TNRC18: variants seen among roughly 807,000 people sequenced by gnomAD.
The protein encoded by TNRC18 is trinucleotide repeat-containing gene 18 protein.
A neutral mutation model predicts 226.7 loss-of-function variants in TNRC18; 69 were observed. The ratio of observed to expected loss-of-function variants is 0.30; its 90% confidence interval spans 0.25 to 0.37. The LOEUF (loss-of-function observed/expected upper bound fraction) is 0.37. Among genes scored for constraint, TNRC18 ranks in the 10% least tolerant of loss-of-function variants. The pLI, the probability that TNRC18 is intolerant of heterozygous loss-of-function variation, is 1.00. For synonymous variants in TNRC18, 2,449 were observed against 1,927.6 expected (o/e 1.27, Z -7.09); for missense variants, 4,754 against 4,256.6 (o/e 1.12, Z -3.25).
intron 18 of TNRC18, 38 bp downstream of exon 18, chr7:5,345,524 C>CCCCCCCCCCCCCCCCCCCCCCCCCCCCCG: frequency 5.5e-6 from 1 of 182,374 alleles, no homozygotes; most frequent in Non-Finnish European, 1.2e-5. Context: ...TCCGCCCCTC[C>CCCCCCCCCCCCCCCCCCCCCCCCCCCCCG]CACCCACCCC....
At chr7:5,400,413 C>A (rs1219947478) in intron 2 of TNRC18, among the ~76,000 whole-genome samples, 1 of 151,950 alleles carries the variant, frequency 6.6e-6, no homozygotes, top group Non-Finnish European at 1.5e-5. Flanking sequence ...GGTTCTAGAC[C>A]AGCCTGACCA....
intron 19 of TNRC18, 129 bp from the exon 20 acceptor site, chr7:5,325,377 A>C: frequency 2.0e-6 from 2 of 1,005,078 alleles, no homozygotes; most frequent in South Asian, 1.6e-5. Flanking sequence ...GAGGAACAAA[A>C]CACCCCTTCT....
At chr7:5,375,090 A>G (rs1794526138) in intron 9 of TNRC18, among the ~76,000 whole-genome samples, 1 of 152,182 alleles carries the variant, frequency 6.6e-6, no homozygotes. Flanking sequence ...CGGGTGGATC[A>G]CCTGAGGCCA....
rs1335758758 is a variant in TNRC18 at position 5,351,722 on chromosome 7, C to T, written c.5470+97G>A. The T allele has an allele frequency of 5.1e-6, 7 of 1,381,190 alleles. No homozygotes were observed. The East Asian group carries it at 1.8e-4, about 35-fold the overall frequency. The allele number at this position is 1,381,190 out of a possible 1,614,324, so 85.6% of individuals were successfully genotyped here. ...CATCCGCACGGGCCTCCTCACCCAC[C>T]ATCTCTCCCGTGCGCCCACTCGCTT... On this transcript the variant is annotated intron_variant, in intron 17 of 29. Transcript: ENST00000430969.
intron 2 of TNRC18, among the ~76,000 whole-genome samples, chr7:5,403,599 T>C (rs1023555627): frequency 1.3e-5 from 2 of 152,048 alleles, no homozygotes; most frequent in African/African-American, 2.4e-5. Flanking sequence ...AAGACCAGCC[T>C]GGGCAACCTA....
intron 5 of TNRC18, 114 bp downstream of exon 5, chr7:5,387,558 T>C (rs1021035577): frequency 1.4e-6 from 2 of 1,425,718 alleles, no homozygotes; most frequent in African/African-American, 1.4e-5. Context: ...TTTTAAAAAA[T>C]GATACTTATA....
chr7:5,322,083 T>C (rs549484979), intron 21 of TNRC18, among the ~76,000 whole-genome samples: 1 of 151,988 alleles, frequency 6.6e-6, no homozygotes, highest in East Asian at 2.0e-4. Context: ...ATCAAGACCA[T>C]CCTAGCTAAC....
At chr7:5,333,781 G>A (rs924804626) in intron 18 of TNRC18, among the ~76,000 whole-genome samples, 1 of 152,148 alleles carries the variant, frequency 6.6e-6, no homozygotes, top group African/African-American at 2.4e-5. Context: ...TTGGAACGGC[G>A]CTAAGTCCTT....
Position 5,313,251 on chromosome 7 carries a change from G to C in TNRC18, c.7640C>G (p.Ala2547Gly), listed in dbSNP as rs1472267387. ...TTCGGCCCCGTCCTGCTCAGCCTGG[G>C]CCTTGTCTGGGCTCTTGGGGTTCCC... ...DSGNPKSPDK[A>G]QAEQDGAEES... Residue 2547 changes from alanine to glycine, a missense_variant, in exon 27 of 30, where the codon GCC becomes GGC. Coordinates refer to ENST00000430969, the MANE Select transcript of TNRC18 (RefSeq NM_001080495.3). 6 of 1,548,788 alleles carry C rather than the reference G, an allele frequency of 3.9e-6. No homozygotes were observed. Among genetic ancestry groups the C allele is most frequent in the Non-Finnish European group, 4.4e-6 (5 of 1,146,666 alleles).
At chr7:5,334,247 T>C (rs1195839572) in intron 18 of TNRC18, among the ~76,000 whole-genome samples, 2 of 152,010 alleles carry the variant, frequency 1.3e-5, no homozygotes, top group East Asian at 3.9e-4. Flanking sequence ...TGGCGGGGGC[T>C]GCCCAGTGGG....
chr7:5,309,748 C>T lies in TNRC18; in HGVS notation c.8389-380G>A, dbSNP rs529750987. Among the ~76,000 whole-genome samples, 1 of 152,170 alleles carries T rather than the reference C, an allele frequency of 6.6e-6. No homozygotes were observed. Among genetic ancestry groups the T allele is most frequent in the African/African-American group, 2.4e-5 (1 of 41,432 alleles). On this transcript the variant is annotated intron_variant, in intron 27 of 29. Transcript: ENST00000430969. This position sits in a 1 kb window ranked among gnomAD's most constrained non-coding sequence, Gnocchi z 5.7. ...GCCTCTGAGGAGCTGAGAATACAGG[C>T]GCACACCACGCCCGGCTAATTTTGA... is the stretch of plus-strand genomic sequence containing the variant.
intron 18 of TNRC18, 45 bp downstream of exon 18, chr7:5,345,517 G>GGGGGGGGGGGCCCCCCCCCCCCCCCC: frequency 6.9e-5 from 26 of 377,716 alleles, no homozygotes; most frequent in East Asian, 2.3e-4. Flanking sequence ...AATGGCGTCC[G>GGGGGGGGGGGCCCCCCCCCCCCCCCC]CCCCTCCCAC....
intron 14 of TNRC18, among the ~76,000 whole-genome samples, chr7:5,360,530 T>A (rs1217237981): frequency 6.6e-6 from 1 of 152,102 alleles, no homozygotes; most frequent in Non-Finnish European, 1.5e-5. Flanking sequence ...GTGGCCAACC[T>A]GTGTACTTAT....
At chr7:5,391,404 T>G (rs563661333) in intron 3 of TNRC18, among the ~76,000 whole-genome samples, 302 of 151,894 alleles carry the variant, frequency 2.0e-3, no homozygotes, top group African/African-American at 7.2e-3. Flanking sequence ...CTCCACCTCC[T>G]TAGTTCAAGA....
chr7:5,308,025 G>A lies in TNRC18; in HGVS notation c.*81C>T, dbSNP rs545287314. 22 of 1,334,322 alleles carry A rather than the reference G, an allele frequency of 1.6e-5. No homozygotes were observed. The African/African-American group carries it at 1.7e-4, about 11-fold the overall frequency. 82.7% of individuals were successfully genotyped at this position (1,334,322 alleles called of 1,614,324 possible). On this transcript the variant is annotated 3_prime_UTR_variant, in exon 30 of 30. Transcript: ENST00000430969. ...GAGCGCTCGCATGCACACAACGCAC[G>A]TGGTCTCCGCGCCATGGCAGTGATG...
At chr7:5,374,007 C>T in intron 10 of TNRC18, 48 bp downstream of exon 10, 1 of 1,407,570 alleles carries the variant, frequency 7.1e-7, no homozygotes, top group South Asian at 1.5e-5. Flanking sequence ...AGCAGTTTTA[C>T]CGCTCCAGGG....
chr7:5,420,377 C>T (rs929799659), intron 2 of TNRC18: 13 of 456,108 alleles, frequency 2.9e-5, no homozygotes, highest in African/African-American at 2.4e-4. Flanking sequence ...CCCTGCCGCA[C>T]CTCCGCACCC....
Position 5,315,980 on chromosome 7 carries a change from G to T in TNRC18, c.6838C>A (p.Leu2280Met). The T allele has an allele frequency of 6.3e-7, 1 of 1,598,864 alleles. No homozygotes were observed. Among genetic ancestry groups the T allele is most frequent in the Non-Finnish European group, 8.5e-7 (1 of 1,173,376 alleles). The change falls in exon 25 of 30, where the codon CTG becomes ATG. Residue 2280 changes from leucine (L) to methionine (M), a missense_variant. By Grantham distance (15) the Leu-to-Met change is conservative. Transcript: ENST00000430969. ...CACTGTATCTTATAGTCAGGGGGCA[G>T]GAGGCGGATATGTGAGAGGGGGATC... ...GRIPLSHIRLLPPDYKIQCAE... is the reference protein window; with the variant it reads ...GRIPLSHIRLMPPDYKIQCAE...
In TNRC18 at chr7:5,313,693, G is replaced by T. The variant is rs1023950420; in HGVS notation, c.7198C>A (p.Pro2400Thr). The T allele has an allele frequency of 2.5e-6, 4 of 1,603,744 alleles. No individual in the cohort carries two copies. The Admixed American group carries it at 6.8e-5, about 27-fold the overall frequency. Reference sequence around the variant, plus strand: ...GCTGGGCAGCTGGTGAAGGCGGGTGGTGCGGGACTGGGCTGCGGCGGTGCC... The same window carrying T: ...GCTGGGCAGCTGGTGAAGGCGGGTGTTGCGGGACTGGGCTGCGGCGGTGCC... ...RPAPPQPSPAPPAFTSCPAPE... is the reference protein window; with the variant it reads ...RPAPPQPSPATPAFTSCPAPE... The change falls in exon 27 of 30, where the codon CCA becomes ACA. Residue 2400 changes from proline (P) to threonine (T), a missense_variant. Physicochemically the swap from Pro to Thr is conservative, Grantham distance 38. Coordinates refer to ENST00000430969, the MANE Select transcript of TNRC18 (RefSeq NM_001080495.3).
Sources: gnomAD v4.1 joint callset for allele counts (sites outside exome capture counted in the v4.1 genomes callset) on GRCh38, gnomAD v4.1.1 for gene constraint, Gnocchi (gnomAD v3.1) non-coding constraint, MANE v1.5 for transcripts, NCBI Gene and HGNC (gene_info 2026-07-23, HGNC 2026-07-21) for gene names.